Variants in UBE3C observed in about 807,000 individuals in gnomAD.
UBE3C encodes ubiquitin protein ligase E3C, also known as ubiquitin-protein ligase E3C.
In UBE3C, 42 loss-of-function variants were observed where a neutral mutation model predicts 129.4. That is an observed-to-expected ratio of 0.32 (90% CI 0.25 to 0.42). UBE3C has a LOEUF of 0.42. UBE3C is among the 10% of genes least tolerant of loss of function. The pLI is 1.00. For synonymous variants in UBE3C, 510 were observed against 492.4 expected (o/e 1.04, Z -0.47); for missense variants, 1,049 against 1,319.1 (o/e 0.80, Z 3.17).
intron 2 of UBE3C, among the ~76,000 whole-genome samples, 170 bp from the exon 3 acceptor site, chr7:157,168,878 A>G (rs1334484745): frequency 1.3e-5 from 2 of 152,228 alleles, no homozygotes; most frequent in Non-Finnish European, 2.9e-5. Flanking sequence ...TGATGGTTGC[A>G]TAGCTCTTAA....
At chr7:157,229,143 A>C (rs1026799303) in intron 17 of UBE3C, among the ~76,000 whole-genome samples, 6 of 151,976 alleles carry the variant, frequency 3.9e-5, no homozygotes, top group Non-Finnish European at 7.4e-5. Flanking sequence ...CCTGTCCCCA[A>C]CTCTCGTCCC....
chr7:157,153,824 A>G (rs937516299), intron 1 of UBE3C, among the ~76,000 whole-genome samples: 1 of 56,170 alleles, frequency 1.8e-5, no homozygotes, highest in African/African-American at 3.7e-4. Flanking sequence ...TAAAAATACA[A>G]AACAAACAAA....
At chr7:157,253,469 C>T (rs1796669619) in intron 19 of UBE3C, among the ~76,000 whole-genome samples, 2 of 152,170 alleles carry the variant, frequency 1.3e-5, no homozygotes, top group African/African-American at 2.4e-5. Flanking sequence ...CCCTTTGTAT[C>T]GTAATTAAAG....
chr7:157,216,802 A>C, intron 13 of UBE3C, 65 bp from the exon 14 acceptor site: 2 of 1,289,518 alleles, frequency 1.6e-6, no homozygotes, highest in Non-Finnish European at 2.2e-6. Context: ...GAGTGAATGT[A>C]TGGCTCACTG....
intron 10 of UBE3C, among the ~76,000 whole-genome samples, chr7:157,196,011 GA>G (rs1176157600): frequency 6.6e-6 from 1 of 152,142 alleles, no homozygotes; most frequent in Non-Finnish European, 1.5e-5. Flanking sequence ...TGGATTTCAA[GA>G]CGAGGCGATA....
Position 157,268,288 on chromosome 7 carries a change from G to A in UBE3C, c.*533G>A, listed in dbSNP as rs566435216. 2.0e-5 allele frequency: 3 copies of A among 152,816 alleles called. No individual in the cohort carries two copies. Among genetic ancestry groups the A allele is most frequent in the African/African-American group, 7.2e-5 (3 of 41,570 alleles). 9.5% of individuals were successfully genotyped at this position (152,816 alleles called of 1,614,324 possible). A position where few individuals can be genotyped will look rare whatever the true frequency, so the allele number is the denominator to read the frequency against. On this transcript the variant is annotated 3_prime_UTR_variant, in exon 23 of 23. Transcript: ENST00000348165. ...CCAAAGTGGTTAGGTTTGGAAAAGA[G>A]ATGATGATGGTAATATTTTATTTGT...
chr7:157,156,716 A>T (rs973271151), intron 1 of UBE3C, among the ~76,000 whole-genome samples: 9 of 121,332 alleles, frequency 7.4e-5, no homozygotes, highest in South Asian at 2.4e-4. Context: ...TTCTTTTTAA[A>T]AAAAAAAAAA....
Position 157,139,311 on chromosome 7 carries a change from G to C in UBE3C, c.39G>C (p.Lys13Asn). The C allele has an allele frequency of 1.9e-6, 3 of 1,584,246 alleles. No individual in the cohort carries two copies. Among genetic ancestry groups the C allele is most frequent in the Non-Finnish European group, 2.6e-6 (3 of 1,172,664 alleles). Reference protein sequence around the residue: ...SFEGDFKTRPKVSLGGASRKE... With the variant: ...SFEGDFKTRPNVSLGGASRKE... ...AAGGCGACTTCAAGACGCGGCCCAAGGTGTCCCTTGGCGGCGCGAGCAGGA... is the reference window on the plus strand; with the variant it reads ...AAGGCGACTTCAAGACGCGGCCCAACGTGTCCCTTGGCGGCGCGAGCAGGA... The change falls in exon 1 of 23, where the codon AAG becomes AAC. Residue 13 changes from lysine (K) to asparagine (N), a missense_variant. By Grantham distance (94) the Lys-to-Asn change is moderately conservative. Coordinates refer to ENST00000348165, the MANE Select transcript of UBE3C (RefSeq NM_014671.3).
In UBE3C at chr7:157,208,055, C is replaced by CTTTTTTTTTTT. The variant is rs35366316; in HGVS notation, c.1809+147_1809+157dup. ...TTCAGACATGTTTTAATTTGCAAGA[C>CTTTTTTTTTTT]TTTTTTTTTTTTTTTTTTTTTTTTT... On this transcript the variant is annotated intron_variant, in intron 13 of 22. Coordinates refer to ENST00000348165, the MANE Select transcript of UBE3C (RefSeq NM_014671.3). 5.4e-5 allele frequency: 5 copies of CTTTTTTTTTTT among 91,930 alleles called. 2 individuals are homozygous for CTTTTTTTTTTT. Among genetic ancestry groups the CTTTTTTTTTTT allele is most frequent in the Middle Eastern group, 0.01 (2 of 192 alleles). The allele number at this position is 91,930 out of a possible 1,614,324, so 5.7% of individuals were successfully genotyped here.
At chr7:157,241,226 A>G (rs1348128841) in intron 18 of UBE3C, among the ~76,000 whole-genome samples, 1 of 152,200 alleles carries the variant, frequency 6.6e-6, no homozygotes, top group African/African-American at 2.4e-5. Flanking sequence ...CATAGTCAGG[A>G]AAAAATCCCG....
At chr7:157,247,240 G>T (rs1323281471) in intron 18 of UBE3C, among the ~76,000 whole-genome samples, 2 of 152,126 alleles carry the variant, frequency 1.3e-5, no homozygotes, top group Non-Finnish European at 2.9e-5. Context: ...GAGATTTCTT[G>T]TTTACTTCCA....
At chr7:157,215,040 A>T (rs1355512796) in intron 13 of UBE3C, among the ~76,000 whole-genome samples, 1 of 152,248 alleles carries the variant, frequency 6.6e-6, no homozygotes, top group Non-Finnish European at 1.5e-5. Context: ...TTGAAGAAGG[A>T]CGGTATTTCC....
chr7:157,142,326 T>A (rs1041377420), intron 1 of UBE3C, among the ~76,000 whole-genome samples: 1 of 152,182 alleles, frequency 6.6e-6, no homozygotes, highest in Non-Finnish European at 1.5e-5. Context: ...TTTTTTCAAA[T>A]TAAATACTTT....
At chr7:157,160,769 T>C (rs941062050) in intron 1 of UBE3C, among the ~76,000 whole-genome samples, 2 of 152,230 alleles carry the variant, frequency 1.3e-5, no homozygotes, top group Non-Finnish European at 2.9e-5. Flanking sequence ...GTAGATCTTG[T>C]CTGCAGTGTT....
At chr7:157,262,645 T>C (rs370067574) in intron 22 of UBE3C, among the ~76,000 whole-genome samples, 88 of 152,184 alleles carry the variant, frequency 5.8e-4, no homozygotes, top group African/African-American at 1.7e-3. Flanking sequence ...GGTCTCGAAC[T>C]CCTGACCTCC....
intron 18 of UBE3C, among the ~76,000 whole-genome samples, chr7:157,235,509 C>T (rs758874316): frequency 2.6e-5 from 4 of 152,154 alleles, no homozygotes; most frequent in Non-Finnish European, 5.9e-5. Context: ...CTCATTTCTC[C>T]TCTGTTTATT....
chr7:157,221,003 T>G (rs967043405), intron 15 of UBE3C: 7 of 466,794 alleles, frequency 1.5e-5, no homozygotes, highest in African/African-American at 1.4e-4. Flanking sequence ...CTTTGCCTTT[T>G]GCAAAAGGCC....
At chr7:157,145,431 T>C (rs1031766363) in intron 1 of UBE3C, among the ~76,000 whole-genome samples, 1 of 152,102 alleles carries the variant, frequency 6.6e-6, no homozygotes, top group Non-Finnish European at 1.5e-5. Context: ...GGCAGGAGAA[T>C]TGCTTGAACC....
At chr7:157,199,518 T>C (rs1270821228) in intron 10 of UBE3C, among the ~76,000 whole-genome samples, 1 of 152,176 alleles carries the variant, frequency 6.6e-6, no homozygotes, top group African/African-American at 2.4e-5. Flanking sequence ...TCACCCAGGC[T>C]GGAGTGTAAT....
Sources: gnomAD v4.1 joint callset for allele counts (sites outside exome capture counted in the v4.1 genomes callset) on GRCh38, gnomAD v4.1.1 for gene constraint, MANE v1.5 for transcripts, NCBI Gene and HGNC (gene_info 2026-07-23, HGNC 2026-07-21) for gene names.